Variants in ANKRD42 observed in about 807,000 individuals in gnomAD.
ANKRD42 encodes the protein ankyrin repeat domain-containing protein 42.
Under a neutral mutation model 51.5 loss-of-function variants are expected in ANKRD42, and 43 were observed. The ratio of observed to expected loss-of-function variants is 0.83; its 90% CI spans 0.65 to 1.08. The LOEUF is 1.08. Ranked by LOEUF, ANKRD42 falls within the 50% of genes least tolerant of loss-of-function variation. The pLI, the probability that ANKRD42 is intolerant of heterozygous loss-of-function variation, is 0.00. For synonymous variants in ANKRD42, 203 were observed against 213.0 expected, an observed-to-expected ratio of 0.95 and a Z score of 0.41; for missense variants, 608 against 629.3, an observed-to-expected ratio of 0.97 and a Z score of 0.36.
chr11:83,193,820 G>C lies in ANKRD42; in HGVS notation c.-851G>C. 1 of 455,416 alleles carries C rather than the reference G, an allele frequency of 2.2e-6. No homozygotes were observed. The highest frequency in any genetic ancestry group is 1.6e-5 in the South Asian group (1 of 64,498). 28.2% of individuals were successfully genotyped at this position (455,416 alleles called of 1,614,324 possible). On this transcript the variant is annotated 5_prime_UTR_variant, in exon 1 of 11. Transcript: ENST00000533342. ...CCAGCGGAAGGCGGCCGCCGCTACG[G>C]CGATTCGCAGGGAGTAGCAGACGAA... is the stretch of plus-strand genomic sequence containing the variant.
chr11:83,263,424 T>C (rs1591025653), downstream of ANKRD42, among the ~76,000 whole-genome samples: 2 of 152,234 alleles, frequency 1.3e-5, no homozygotes, highest in East Asian at 3.8e-4. Context: ...TCTTTTAAGT[T>C]TGCTGTTTAT....
At chr11:83,209,395 G>A (rs1862215759) in intron 3 of ANKRD42, 10 of 1,565,684 alleles carry the variant, frequency 6.4e-6, no homozygotes, top group South Asian at 3.5e-5. Context: ...CAAACCGAGC[G>A]ATCATGTCGC....
chr11:83,248,286 A>C lies in ANKRD42; in HGVS notation c.*82A>C. On this transcript the variant is annotated 3_prime_UTR_variant, in exon 11 of 11. Coordinates refer to ENST00000533342, the MANE Select transcript of ANKRD42 (RefSeq NM_001300975.2). ...TATACTTTCTAGAGCTGATGACAGGATTAAAGGAATACACACACACACACA... is the reference window on the plus strand; with the variant it reads ...TATACTTTCTAGAGCTGATGACAGGCTTAAAGGAATACACACACACACACA... The C allele has an allele frequency of 7.2e-7, 1 of 1,394,956 alleles. No individual in the cohort carries two copies. Among genetic ancestry groups the C allele is most frequent in the Non-Finnish European group, 9.2e-7 (1 of 1,082,318 alleles). 86.4% of individuals were successfully genotyped at this position (1,394,956 alleles called of 1,614,324 possible). A position where few individuals can be genotyped will look rare whatever the true frequency, so the allele number is the denominator to read the frequency against.
intron 7 of ANKRD42, among the ~76,000 whole-genome samples, chr11:83,228,495 G>A (rs1487010274): frequency 6.6e-6 from 1 of 151,934 alleles, no homozygotes; most frequent in Non-Finnish European, 1.5e-5. Context: ...CTCCTGAAGT[G>A]CAGGATTACA....
At position 83,198,466 on chromosome 11, in the gene ANKRD42, G is replaced by T; in HGVS notation, c.59-13G>T. On this transcript the variant is annotated splice_polypyrimidine_tract_variant and intron_variant, in intron 1 of 10. Transcript: ENST00000533342. ...TTTTGTAGTACATTGTAAGTAATTTGATTTTTCAATAGGTTCCAGGAAGAA... is the reference window on the plus strand; with the variant it reads ...TTTTGTAGTACATTGTAAGTAATTTTATTTTTCAATAGGTTCCAGGAAGAA... The T allele has an allele frequency of 1.3e-6, 2 of 1,598,640 alleles. No homozygotes were observed. Among genetic ancestry groups the T allele is most frequent in the Non-Finnish European group, 8.5e-7 (1 of 1,170,752 alleles).
chr11:83,229,202 A>G (rs561517271), intron 7 of ANKRD42, among the ~76,000 whole-genome samples: 110 of 151,740 alleles, frequency 7.2e-4, no homozygotes, highest in Non-Finnish European at 1.1e-3. Flanking sequence ...GCATGACCAT[A>G]TTTGTGTCTT....
Position 83,248,209 on chromosome 11 carries a change from G to C in ANKRD42, c.*5G>C. On this transcript the variant is annotated 3_prime_UTR_variant, in exon 11 of 11. Transcript: ENST00000533342. ...CCTGGCTATAGTCTTTTTTGATTTGGGCTACTCATTTAACCTTTTTGTGCC... is the reference window on the plus strand; with the variant it reads ...CCTGGCTATAGTCTTTTTTGATTTGCGCTACTCATTTAACCTTTTTGTGCC... The C allele has an allele frequency of 1.3e-6, 2 of 1,484,748 alleles. No homozygotes were observed. The highest frequency in any genetic ancestry group is 1.8e-6 in the Non-Finnish European group (2 of 1,120,332). 92.0% of individuals were successfully genotyped at this position (1,484,748 alleles called of 1,614,324 possible). A position where few individuals can be genotyped will look rare whatever the true frequency, so the allele number is the denominator to read the frequency against.
At position 83,193,751 on chromosome 11, in the gene ANKRD42, A is replaced by T. The variant is rs1213356885; in HGVS notation, c.-920A>T. ...CGACGGCCCTGCTGCCTCTCCAGCCAAGTGGCTGGAGTCGGGAGGCTGGAA... is the reference window on the plus strand; with the variant it reads ...CGACGGCCCTGCTGCCTCTCCAGCCTAGTGGCTGGAGTCGGGAGGCTGGAA... On this transcript the variant is annotated 5_prime_UTR_variant, in exon 1 of 11. Transcript: ENST00000533342. The T allele has an allele frequency of 2.3e-6, 1 of 432,148 alleles. No individual in the cohort carries two copies. The highest frequency in any genetic ancestry group is 4.6e-6 in the Non-Finnish European group (1 of 216,420). The allele number at this position is 432,148 out of a possible 1,614,324, so 26.8% of individuals were successfully genotyped here. A position where few individuals can be genotyped will look rare whatever the true frequency, so the allele number is the denominator to read the frequency against.
chr11:83,203,207 C>A (rs976513835), intron 2 of ANKRD42, among the ~76,000 whole-genome samples: 1 of 151,790 alleles, frequency 6.6e-6, no homozygotes, highest in East Asian at 1.9e-4. Context: ...GTGGGCCAGG[C>A]TGGTCTCTAA....
intron 6 of ANKRD42, among the ~76,000 whole-genome samples, chr11:83,227,444 A>G (rs1025639565): frequency 6.7e-6 from 1 of 149,558 alleles, no homozygotes; most frequent in Non-Finnish European, 1.5e-5. Flanking sequence ...AGGGTTTTAA[A>G]GGGTTTTAAA....
downstream of ANKRD42, among the ~76,000 whole-genome samples, chr11:83,253,283 A>G (rs1023053803): frequency 1.4e-4 from 21 of 152,082 alleles, no homozygotes; most frequent in African/African-American, 4.8e-4. Context: ...CTTTGTTTAT[A>G]CCCTACTTTT....
intron 5 of ANKRD42, among the ~76,000 whole-genome samples, chr11:83,219,136 C>T (rs539558182): frequency 2.0e-5 from 3 of 152,268 alleles, no homozygotes; most frequent in Admixed American, 6.5e-5. Flanking sequence ...TCTGGTTAGT[C>T]CTGGGACTCG....
chr11:83,262,817 C>T (rs1864004882), downstream of ANKRD42, among the ~76,000 whole-genome samples: 1 of 152,134 alleles, frequency 6.6e-6, no homozygotes, highest in Admixed American at 6.5e-5. Flanking sequence ...TGGGATTAGG[C>T]ATCTCTAAGA....
rs1398502937 is a variant in ANKRD42 at position 83,248,499 on chromosome 11, T to G, written c.*295T>G. Reference sequence around the variant, plus strand: ...TTCTAAGACAGCTAGAGGATATGTATATTTTAATATTCTAAATAACCAAAA... The same window carrying G: ...TTCTAAGACAGCTAGAGGATATGTAGATTTTAATATTCTAAATAACCAAAA... On this transcript the variant is annotated 3_prime_UTR_variant, in exon 11 of 11. Coordinates refer to ENST00000533342, the MANE Select transcript of ANKRD42 (RefSeq NM_001300975.2). 9.5e-7 allele frequency: 1 copy of G among 1,054,486 alleles called. No individual in the cohort carries two copies. Among genetic ancestry groups the G allele is most frequent in the Non-Finnish European group, 1.1e-6 (1 of 875,202 alleles). 65.3% of individuals were successfully genotyped at this position (1,054,486 alleles called of 1,614,324 possible).
At chr11:83,231,746 G>A (rs956046863) in intron 7 of ANKRD42, among the ~76,000 whole-genome samples, 21 of 152,092 alleles carry the variant, frequency 1.4e-4, no homozygotes, top group African/African-American at 4.6e-4. Flanking sequence ...GAGAGATAGG[G>A]GTCTAGTTTT....
At chr11:83,257,475 G>A, downstream of ANKRD42, 1 of 361,314 alleles carries the variant, frequency 2.8e-6, no homozygotes, top group Non-Finnish European at 5.4e-6. Context: ...ACATTTATTG[G>A]GCACTTTGTG....
intron 2 of ANKRD42, 55 bp from the exon 3 acceptor site, chr11:83,206,003 A>G (rs1862055006): frequency 1.4e-6 from 2 of 1,465,086 alleles, no homozygotes; most frequent in South Asian, 2.3e-5. Flanking sequence ...AATTTAAAAG[A>G]TAAAAATGTT....
chr11:83,245,432 C>T, intron 9 of ANKRD42, 66 bp from the exon 10 acceptor site: 1 of 1,485,526 alleles, frequency 6.7e-7, no homozygotes, highest in Non-Finnish European at 9.0e-7. Flanking sequence ...TCAAGAATAC[C>T]AGCACCCAGT....
In ANKRD42 at chr11:83,248,127, T is replaced by C. The variant is rs1178720567; in HGVS notation, c.1507T>C (p.Tyr503His). Residue 503 changes from tyrosine to histidine, a missense_variant, in exon 11 of 11, where the codon TAT (tyrosine) becomes CAT (histidine). By Grantham distance (83) the Tyr-to-His change is moderately conservative. Coordinates refer to ENST00000533342, the MANE Select transcript of ANKRD42 (RefSeq NM_001300975.2). Reference protein sequence around the residue: ...LFNTFIFLKKYIQEWPRVQAL... With the variant: ...LFNTFIFLKKHIQEWPRVQAL... ...TAATACATTTATTTTTCTCAAGAAG[T>C]ATATACAAGAGTGGCCAAGAGTACA... 3.2e-6 allele frequency: 5 copies of C among 1,545,530 alleles called. No homozygotes were observed. Among genetic ancestry groups the C allele is most frequent in the Non-Finnish European group, 3.5e-6 (4 of 1,146,982 alleles).
Sources: gnomAD v4.1 joint callset for allele counts (sites outside exome capture counted in the v4.1 genomes callset) on GRCh38, gnomAD v4.1.1 for gene constraint, MANE v1.5 for transcripts, NCBI Gene and HGNC (gene_info 2026-07-23, HGNC 2026-07-21) for gene names.